Variants in GNAI1 observed in about 807,000 individuals in gnomAD.
GNAI1 encodes the protein guanine nucleotide-binding protein G(i) subunit alpha-1.
GNAI1 carries 11 observed loss-of-function variants against 38.9 expected under a neutral mutation model. The ratio of observed to expected loss-of-function variants is 0.28; its 90% CI spans 0.18 to 0.47. GNAI1 has a LOEUF of 0.47. Ranked by LOEUF, GNAI1 falls within the 20% of genes least tolerant of loss-of-function variation. The pLI, the probability that GNAI1 is intolerant of heterozygous loss-of-function variation, is 0.99. For synonymous variants in GNAI1, 166 were observed against 145.1 expected (o/e 1.14, Z -1.04); for missense variants, 317 against 436.9 (o/e 0.73, Z 2.45).
In GNAI1 at chr7:80,199,206, A is replaced by G. The variant is rs893775848; in HGVS notation, c.304-19A>G. The G allele has an allele frequency of 1.3e-6, 2 of 1,565,130 alleles. No individual in the cohort carries two copies. The highest frequency in any genetic ancestry group is 2.3e-5 in the East Asian group (1 of 43,948). ...TGACGTATCCCTTTTTACTTAAAAA[A>G]TGTCCTTTGAATGTTCAGGATGATG... On this transcript the variant is annotated intron_variant, in intron 3 of 7. Transcript: ENST00000649796.
At chr7:80,210,738 T>A (rs1041680381) in intron 5 of GNAI1, among the ~76,000 whole-genome samples, 4 of 151,440 alleles carry the variant, frequency 2.6e-5, no homozygotes, top group African/African-American at 7.3e-5. Flanking sequence ...GCTTTTTTTT[T>A]TTTTTTTAGA....
chr7:80,185,459 C>T (rs557118592), intron 1 of GNAI1, among the ~76,000 whole-genome samples: 11 of 152,170 alleles, frequency 7.2e-5, no homozygotes, highest in Non-Finnish European at 1.0e-4. Flanking sequence ...ACAGAAGAAC[C>T]GAATCAGCCT....
chr7:80,136,293 A>C (rs1562819207), intron 1 of GNAI1, among the ~76,000 whole-genome samples: 2 of 152,122 alleles, frequency 1.3e-5, no homozygotes, highest in East Asian at 3.8e-4. Flanking sequence ...ATAGATGAAA[A>C]ATTTCTCAGA....
At chr7:80,202,914 A>G (rs1382320757) in intron 4 of GNAI1, among the ~76,000 whole-genome samples, 1 of 152,092 alleles carries the variant, frequency 6.6e-6, no homozygotes, top group Non-Finnish European at 1.5e-5. Flanking sequence ...CTTTTCTTCC[A>G]TCCCCATTAT....
At chr7:80,137,523 T>C (rs867037458) in intron 1 of GNAI1, among the ~76,000 whole-genome samples, 2 of 152,138 alleles carry the variant, frequency 1.3e-5, no homozygotes, top group Middle Eastern at 6.8e-3. Flanking sequence ...TTTCACCATG[T>C]TGGCCACGCT....
At chr7:80,148,014 T>G (rs2116090741) in intron 1 of GNAI1, among the ~76,000 whole-genome samples, 2 of 151,670 alleles carry the variant, frequency 1.3e-5, no homozygotes, top group Middle Eastern at 6.8e-3. Flanking sequence ...CCATGTGTTT[T>G]TTGTTGCTGT....
intron 1 of GNAI1, among the ~76,000 whole-genome samples, chr7:80,137,532 C>T (rs915152480): frequency 6.6e-6 from 1 of 151,912 alleles, no homozygotes; most frequent in African/African-American, 2.4e-5. Flanking sequence ...GTTGGCCACG[C>T]TGGTCTCCAA....
intron 1 of GNAI1, among the ~76,000 whole-genome samples, chr7:80,186,082 G>C (rs1788382555): frequency 6.9e-6 from 1 of 145,902 alleles, no homozygotes; most frequent in Non-Finnish European, 1.5e-5. Context: ...GCCCAGGCTG[G>C]AGTGCAGCGG....
chr7:80,159,130 T>A (rs2116122688), intron 1 of GNAI1, among the ~76,000 whole-genome samples: 1 of 152,290 alleles, frequency 6.6e-6, no homozygotes, highest in African/African-American at 2.4e-5. Flanking sequence ...CATAATAAAT[T>A]TATCTTGTGC....
chr7:80,191,252 G>A (rs542049576), intron 3 of GNAI1, among the ~76,000 whole-genome samples: 3 of 152,098 alleles, frequency 2.0e-5, no homozygotes, highest in African/African-American at 2.4e-5. Context: ...TTGTGCTAAG[G>A]AATACAAAGA....
intron 1 of GNAI1, among the ~76,000 whole-genome samples, chr7:80,149,641 C>T (rs2116095442): frequency 6.6e-6 from 1 of 152,216 alleles, no homozygotes; most frequent in African/African-American, 2.4e-5. Context: ...TTTTGAGATT[C>T]ATCAGAACCT....
intron 4 of GNAI1, among the ~76,000 whole-genome samples, chr7:80,200,906 T>C (rs1788676379): frequency 6.6e-6 from 1 of 152,198 alleles, no homozygotes; most frequent in Admixed American, 6.5e-5. Context: ...AGTTGGTCCT[T>C]GCGCTCCAGT....
intron 4 of GNAI1, among the ~76,000 whole-genome samples, chr7:80,200,224 G>A (rs749763528): frequency 8.1e-5 from 12 of 147,370 alleles, no homozygotes; most frequent in Non-Finnish European, 1.8e-4. Flanking sequence ...CTCAGCGGGG[G>A]CTGAGAGAGG....
intron 1 of GNAI1, among the ~76,000 whole-genome samples, chr7:80,168,524 A>G (rs1788049542): frequency 6.6e-6 from 1 of 152,036 alleles, no homozygotes; most frequent in Admixed American, 6.6e-5. Flanking sequence ...AGTAGCTGGG[A>G]CTACAGGTGC....
chr7:80,222,091 T>G lies in GNAI1; in HGVS notation c.*4598T>G, dbSNP rs1188068534. ...GCTTTGGTGTCTGTTGTGATTTCTCTTATTTAGTTGGATTTTGTAGTTACT... is the reference window on the plus strand; with the variant it reads ...GCTTTGGTGTCTGTTGTGATTTCTCGTATTTAGTTGGATTTTGTAGTTACT... On this transcript the variant is annotated 3_prime_UTR_variant, in exon 8 of 8. Coordinates refer to ENST00000649796, the MANE Select transcript of GNAI1 (RefSeq NM_002069.6). Among the ~76,000 whole-genome samples, 1 of 152,130 alleles carries G rather than the reference T, an allele frequency of 6.6e-6. No individual in the cohort carries two copies. Among genetic ancestry groups the G allele is most frequent in the Non-Finnish European group, 1.5e-5 (1 of 68,026 alleles).
At chr7:80,169,627 C>G (rs953349779) in intron 1 of GNAI1, among the ~76,000 whole-genome samples, 32 of 152,066 alleles carry the variant, frequency 2.1e-4, no homozygotes, top group African/African-American at 7.2e-4. Context: ...GTGTCATTCC[C>G]AAATTATCTT....
At chr7:80,148,509 G>GA (rs1221998514) in intron 1 of GNAI1, among the ~76,000 whole-genome samples, 4 of 139,912 alleles carry the variant, frequency 2.9e-5, no homozygotes, top group Admixed American at 1.5e-4. Flanking sequence ...GTCCATCAGT[G>GA]AAAAAAATGT....
chr7:80,136,433 T>G (rs911806509), intron 1 of GNAI1, among the ~76,000 whole-genome samples: 7 of 151,424 alleles, frequency 4.6e-5, no homozygotes, highest in Non-Finnish European at 1.0e-4. Context: ...AAATGGTGGG[T>G]TTTTTTTCTC....
chr7:80,153,658 A>G (rs1253438532), intron 1 of GNAI1, among the ~76,000 whole-genome samples: 1 of 152,156 alleles, frequency 6.6e-6, no homozygotes, highest in Non-Finnish European at 1.5e-5. Flanking sequence ...CATGGCCCTA[A>G]AATACTTTTT....
Sources: allele counts gnomAD v4.1 joint callset (sites outside exome capture counted in the v4.1 genomes callset), GRCh38; gene constraint gnomAD v4.1.1; transcripts MANE v1.5; gene names NCBI Gene and HGNC (gene_info 2026-07-23, HGNC 2026-07-21).